The following NCAM2 variants were observed in gnomAD, a reference collection of about 807,000 sequenced individuals.
The protein encoded by NCAM2 is neural cell adhesion molecule 2, also known as N-CAM-2.
Under a neutral mutation model 98.1 loss-of-function variants are expected in NCAM2, and 30 were observed. The ratio of observed to expected loss-of-function variants is 0.31; its 90% CI spans 0.23 to 0.41. The LOEUF is 0.41. Ranked by LOEUF, NCAM2 falls within the 10% of genes least tolerant of loss-of-function variation. The pLI is 1.00. For missense variants in NCAM2, 867 were observed against 1,005.8 expected (o/e 0.86, Z 1.87); for synonymous variants, 368 against 342.4 (o/e 1.07, Z -0.83).
intron 5 of NCAM2, among the ~76,000 whole-genome samples, chr21:21,296,241 G>A (rs1047302173): frequency 1.3e-5 from 2 of 151,740 alleles, no homozygotes; most frequent in African/African-American, 4.8e-5. Flanking sequence ...TTTAACAAAT[G>A]CAGTTTTCCT....
In NCAM2 at chr21:20,998,685, A is replaced by G. The variant is rs2063964483; in HGVS notation, c.55+67A>G. ...TTCCACCCGGCCAAGAGAGGCAAAG[A>G]GGGAGGCGCAGGAAGAATGAAATGA... is the stretch of plus-strand genomic sequence containing the variant. On this transcript the variant is annotated intron_variant, in intron 1 of 17. Transcript: ENST00000400546. 2.9e-6 allele frequency: 4 copies of G among 1,396,502 alleles called. No homozygotes were observed. The African/African-American group carries it at 4.3e-5, about 15-fold the overall frequency. 86.5% of individuals were successfully genotyped at this position (1,396,502 alleles called of 1,614,324 possible).
In NCAM2 at chr21:21,136,640, T is replaced by TG. The variant is rs1555889527; in HGVS notation, c.55+138022_55+138023insG. On this transcript the variant is annotated intron_variant, in intron 1 of 17. Transcript: ENST00000400546. ...CCACGCCTGTTTTTTGTTTTTTTTT[T>TG]TATTTTTAGTAGAGATGGGGTTTCA... is the stretch of plus-strand genomic sequence containing the variant. Among the ~76,000 whole-genome samples, 74 of 147,950 alleles carry TG rather than the reference T, an allele frequency of 5.0e-4. 1 individual carries two copies. In the East Asian group the frequency reaches 6.8e-3, roughly 14 times the overall value.
intron 1 of NCAM2, among the ~76,000 whole-genome samples, chr21:21,093,508 A>G (rs2066056556): frequency 6.6e-6 from 1 of 152,104 alleles, no homozygotes; most frequent in Non-Finnish European, 1.5e-5. Context: ...AATCAGGCAG[A>G]TTTGACCTGT....
intron 8 of NCAM2, among the ~76,000 whole-genome samples, 175 bp from the exon 9 acceptor site, chr21:21,373,688 T>C (rs144925691): frequency 6.6e-6 from 1 of 151,854 alleles, no homozygotes; most frequent in African/African-American, 2.4e-5. Flanking sequence ...GTAAAAAGTG[T>C]GCTTTTTAAA....
In NCAM2 at chr21:21,324,496, T is replaced by A. The variant is rs1401248790; in HGVS notation, c.733T>A (p.Phe245Ile). The change falls in exon 6 of 18, where the codon TTC (phenylalanine) becomes ATC (isoleucine). Residue 245 changes from phenylalanine (F) to isoleucine (I), a missense_variant. Physicochemically the swap from Phe to Ile is conservative, Grantham distance 21. Transcript: ENST00000400546. ...CTCTCCAGAACCCGCCATCTCCTGG[T>A]TCAGGTAGGTTATGCACCCCCCTCC... ...SGSPEPAISWFRNGKLIEENE... is the reference protein window; with the variant it reads ...SGSPEPAISWIRNGKLIEENE... 1 of 1,603,406 alleles carries A rather than the reference T, an allele frequency of 6.2e-7. No homozygotes were observed. Among genetic ancestry groups the A allele is most frequent in the Non-Finnish European group, 8.5e-7 (1 of 1,170,588 alleles).
chr21:21,401,693 A>G (rs957471317), intron 9 of NCAM2, among the ~76,000 whole-genome samples: 2 of 152,150 alleles, frequency 1.3e-5, no homozygotes, highest in African/African-American at 4.8e-5. Flanking sequence ...CCATTCATCT[A>G]CTGATGCACA....
chr21:21,444,406 G>A (rs1225793885), intron 12 of NCAM2, among the ~76,000 whole-genome samples: 3 of 152,114 alleles, frequency 2.0e-5, no homozygotes, highest in Admixed American at 6.5e-5. Flanking sequence ...CAGATAGAAT[G>A]GTACCAGCTC....
chr21:21,275,928 CTGAG>C (rs1462253538), intron 1 of NCAM2, among the ~76,000 whole-genome samples: 3 of 152,028 alleles, frequency 2.0e-5, no homozygotes, highest in Admixed American at 1.3e-4. Flanking sequence ...TGATATTCTC[CTGAG>C]TGTTTTCCAA....
intron 1 of NCAM2, among the ~76,000 whole-genome samples, chr21:21,092,101 A>G (rs760041655): frequency 1.3e-5 from 2 of 152,204 alleles, no homozygotes; most frequent in South Asian, 2.1e-4. Flanking sequence ...ACCTTGTACA[A>G]AGTTCTCCGT....
intron 1 of NCAM2, among the ~76,000 whole-genome samples, chr21:21,245,587 T>A (rs2071236449): frequency 6.6e-6 from 1 of 152,208 alleles, no homozygotes; most frequent in Non-Finnish European, 1.5e-5. Flanking sequence ...GGTATCTCCT[T>A]CTTTGGACCC....
At chr21:21,210,677 C>T (rs552694105) in intron 1 of NCAM2, 183 of 1,268,870 alleles carry the variant, frequency 1.4e-4, no homozygotes, top group Non-Finnish European at 1.8e-4. Context: ...CAACCAGAGA[C>T]TTATTACAGG....
intron 6 of NCAM2, among the ~76,000 whole-genome samples, chr21:21,333,399 C>G (rs929652889): frequency 1.3e-5 from 2 of 152,110 alleles, no homozygotes; most frequent in African/African-American, 4.8e-5. Flanking sequence ...TCATATCTCC[C>G]GTTATAACAG....
chr21:21,288,358 G>T (rs1012673874), intron 4 of NCAM2, among the ~76,000 whole-genome samples: 1 of 151,674 alleles, frequency 6.6e-6, no homozygotes, highest in Non-Finnish European at 1.5e-5. Flanking sequence ...GACATGTATC[G>T]CTCTCATTCC....
At chr21:21,008,300 A>G (rs1057071732) in intron 1 of NCAM2, among the ~76,000 whole-genome samples, 2 of 152,202 alleles carry the variant, frequency 1.3e-5, no homozygotes, top group African/African-American at 4.8e-5. Context: ...TACTTATTCT[A>G]TAGATTACAC....
At chr21:21,530,280 TAATTTAATTATATATAATTA>T (rs1989595210) in intron 16 of NCAM2, among the ~76,000 whole-genome samples, 1 of 124,064 alleles carries the variant, frequency 8.1e-6, no homozygotes, top group Admixed American at 8.8e-5. Flanking sequence ...ATATATAATT[TAATTTAATTATATATAATTA>T]AATTAAATTA....
intron 8 of NCAM2, among the ~76,000 whole-genome samples, chr21:21,359,542 T>C (rs1278518314): frequency 6.6e-6 from 1 of 151,976 alleles, no homozygotes; most frequent in Non-Finnish European, 1.5e-5. Flanking sequence ...TTGAAGTCTA[T>C]AATAAGACCT....
At chr21:21,420,510 A>G (rs1356037644) in intron 11 of NCAM2, among the ~76,000 whole-genome samples, 2 of 152,056 alleles carry the variant, frequency 1.3e-5, no homozygotes, top group East Asian at 1.9e-4. Context: ...CAGACTTAAA[A>G]GCATCTGTAA....
Position 21,462,124 on chromosome 21 carries a change from A to G in NCAM2, c.1655-4482A>G, listed in dbSNP as rs369544689. The stretch of plus-strand genomic sequence containing the variant: ...TTTTCAGATCTATCTGAGGGGATTA[A>G]CACCAAGTGTTATTTTGGATGATCA... On this transcript the variant is annotated intron_variant, in intron 12 of 17. Transcript: ENST00000400546. Among the ~76,000 whole-genome samples the G allele has an allele frequency of 1.4e-4, 22 of 152,122 alleles. No individual in the cohort carries two copies. The East Asian group carries it at 3.9e-3, about 27-fold the overall frequency.
chr21:21,345,358 G>A (rs1001519687), intron 8 of NCAM2, among the ~76,000 whole-genome samples: 1 of 151,562 alleles, frequency 6.6e-6, no homozygotes, highest in African/African-American at 2.4e-5. Context: ...GTTGTGTTGA[G>A]GAAACTAAAA....
Sources: gnomAD v4.1 joint callset for allele counts (sites outside exome capture counted in the v4.1 genomes callset) on GRCh38, gnomAD v4.1.1 for gene constraint, MANE v1.5 for transcripts, NCBI Gene and HGNC (gene_info 2026-07-23, HGNC 2026-07-21) for gene names.